Variants in ERBB4 observed in about 807,000 individuals in gnomAD.
ERBB4 encodes the protein receptor tyrosine-protein kinase erbB-4.
A neutral mutation model predicts 158.0 loss-of-function variants in ERBB4; 42 were observed. The observed-to-expected ratio is 0.27, with a 90% confidence interval of 0.21 to 0.34. ERBB4 has a LOEUF of 0.34. ERBB4 is among the 10% of genes least tolerant of loss of function. The pLI is 1.00. For synonymous variants in ERBB4, 583 were observed against 558.7 expected (o/e 1.04, Z -0.61); for missense variants, 1,333 against 1,624.1 (o/e 0.82, Z 3.08).
intron 19 of ERBB4, among the ~76,000 whole-genome samples, chr2:211,603,867 A>C (rs1045457131): frequency 2.0e-5 from 3 of 152,120 alleles, no homozygotes; most frequent in African/African-American, 7.2e-5. Context: ...TACAGTGTTA[A>C]ATTTCTAGTT....
intron 2 of ERBB4, among the ~76,000 whole-genome samples, chr2:212,049,790 A>G (rs2077351547): frequency 6.6e-6 from 1 of 152,194 alleles, no homozygotes; most frequent in African/African-American, 2.4e-5. Flanking sequence ...TTTACTCTCA[A>G]GTGACTCCAG....
At chr2:211,716,740 T>TATA (rs1393749270) in intron 7 of ERBB4, among the ~76,000 whole-genome samples, 1 of 151,894 alleles carries the variant, frequency 6.6e-6, no homozygotes, top group East Asian at 1.9e-4. Context: ...AGAAGAAGCT[T>TATA]AATGTCCTTG....
intron 19 of ERBB4, among the ~76,000 whole-genome samples, chr2:211,591,617 A>G (rs2068467134): frequency 6.6e-6 from 1 of 152,216 alleles, no homozygotes; most frequent in Non-Finnish European, 1.5e-5. Context: ...CTCCCACAGC[A>G]TGTAATAGGT....
At position 212,104,346 on chromosome 2, in the gene ERBB4, C is replaced by T. The variant is rs1280421412; in HGVS notation, c.234+20406G>A. 2.6e-5 allele frequency among the ~76,000 whole-genome samples: 4 copies of T among 152,040 alleles called. No homozygotes were observed. In the East Asian group the frequency reaches 7.7e-4, roughly 29 times the overall value. ...AGTTAACCTAATTTGGCATATATGTCCTTGTGGAATTTGAAAATAAGCAAT... is the reference window on the plus strand; with the variant it reads ...AGTTAACCTAATTTGGCATATATGTTCTTGTGGAATTTGAAAATAAGCAAT... On this transcript the variant is annotated intron_variant, in intron 2 of 27. Coordinates refer to ENST00000342788, the MANE Select transcript of ERBB4 (RefSeq NM_005235.3).
At chr2:211,690,503 C>T (rs541744965) in intron 12 of ERBB4, among the ~76,000 whole-genome samples, 72 of 152,222 alleles carry the variant, frequency 4.7e-4, no homozygotes, top group African/African-American at 1.6e-3. Context: ...AGAGCAGTTT[C>T]GGGTCAGGGA....
chr2:212,085,124 C>T (rs545174811), intron 2 of ERBB4, among the ~76,000 whole-genome samples: 1 of 151,990 alleles, frequency 6.6e-6, no homozygotes, highest in East Asian at 1.9e-4. Context: ...TTTAACTGTT[C>T]TTTAAAAATG....
At chr2:211,946,493 T>C (rs2080695071) in intron 3 of ERBB4, among the ~76,000 whole-genome samples, 1 of 151,016 alleles carries the variant, frequency 6.6e-6, no homozygotes, top group East Asian at 1.9e-4. Context: ...GCAAAATATA[T>C]AGATTATTTT....
intron 3 of ERBB4, among the ~76,000 whole-genome samples, chr2:211,942,734 A>T (rs1229170526): frequency 6.6e-6 from 1 of 152,186 alleles, no homozygotes; most frequent in Non-Finnish European, 1.5e-5. Context: ...AAACATATGA[A>T]TATGTTGGTC....
chr2:212,533,901 T>A (rs192488242), intron 1 of ERBB4, among the ~76,000 whole-genome samples: 1 of 152,342 alleles, frequency 6.6e-6, no homozygotes, highest in Admixed American at 6.5e-5. Context: ...AGAACAGATG[T>A]AGGCTTGAAC....
In ERBB4 at chr2:211,966,307, T is replaced by C. The variant is rs565313317; in HGVS notation, c.235-18691A>G. Among the ~76,000 whole-genome samples, 3 of 152,284 alleles carry C rather than the reference T, an allele frequency of 2.0e-5. No individual in the cohort carries two copies. In the South Asian group the frequency reaches 6.2e-4, roughly 32 times the overall value. The stretch of plus-strand genomic sequence containing the variant: ...CCCAGGTTAGAGTGCAGTGGCACGA[T>C]CTTGGCTCACTGCAACTTCTACCTC... On this transcript the variant is annotated intron_variant, in intron 2 of 27. Coordinates refer to ENST00000342788, the MANE Select transcript of ERBB4 (RefSeq NM_005235.3).
chr2:211,704,338 T>C (rs1489475702), intron 10 of ERBB4, 144 bp from the exon 11 acceptor site: 1 of 668,174 alleles, frequency 1.5e-6, no homozygotes, highest in African/African-American at 1.8e-5. Flanking sequence ...AAGCACTCTA[T>C]TACATATGTA....
chr2:211,456,855 C>T (rs942631935), intron 20 of ERBB4, among the ~76,000 whole-genome samples: 9 of 152,114 alleles, frequency 5.9e-5, no homozygotes, highest in African/African-American at 9.7e-5. Flanking sequence ...GGAGGTGGAG[C>T]GCAGGCAGTA....
At chr2:212,440,905 G>A (rs981512030) in intron 1 of ERBB4, among the ~76,000 whole-genome samples, 79 of 152,126 alleles carry the variant, frequency 5.2e-4, no homozygotes, top group African/African-American at 1.9e-3. Context: ...ATGAACTCAG[G>A]GATTCTGTCT....
At chr2:211,637,925 T>C (rs771850229) in intron 16 of ERBB4, among the ~76,000 whole-genome samples, 1 of 151,950 alleles carries the variant, frequency 6.6e-6, no homozygotes, top group African/African-American at 2.4e-5. Context: ...CTATGCTTGA[T>C]AGTAGAGAAT....
At chr2:212,243,368 G>T (rs1294816947) in intron 1 of ERBB4, among the ~76,000 whole-genome samples, 1 of 152,100 alleles carries the variant, frequency 6.6e-6, no homozygotes, top group Non-Finnish European at 1.5e-5. Context: ...GAGTAATTCT[G>T]TGAGATAAGA....
At chr2:211,420,649 C>A (rs1260454004) in intron 24 of ERBB4, 38 bp from the exon 25 acceptor site, 5 of 1,546,272 alleles carry the variant, frequency 3.2e-6, no homozygotes, top group South Asian at 1.1e-5. Context: ...AAATATGATT[C>A]TTTCTTATCT....
intron 10 of ERBB4, among the ~76,000 whole-genome samples, chr2:211,704,582 T>C (rs1382550802): frequency 6.6e-6 from 1 of 152,236 alleles, no homozygotes; most frequent in Non-Finnish European, 1.5e-5. Flanking sequence ...CATTAGATTT[T>C]GCATTATTTT....
chr2:211,881,045 T>C (rs561470420), intron 3 of ERBB4, among the ~76,000 whole-genome samples: 2 of 152,152 alleles, frequency 1.3e-5, no homozygotes, highest in Non-Finnish European at 2.9e-5. Context: ...TCAGATCAGC[T>C]GCACACAAGA....
At position 211,934,926 on chromosome 2, in the gene ERBB4, T is replaced by TAAAAAAAA. The variant is rs34614862; in HGVS notation, c.421+12496_421+12503dup. ...TACACTAAGCAAAGTCTCATTCAGCTAAAAAAAAAAAAAAACTGCCTTGAA... is the reference window on the plus strand; with the variant it reads ...TACACTAAGCAAAGTCTCATTCAGCTAAAAAAAAAAAAAAAAAAAAAAACTGCCTTGAA... On this transcript the variant is annotated intron_variant, in intron 3 of 27. Transcript: ENST00000342788. Among the ~76,000 whole-genome samples the TAAAAAAAA allele has an allele frequency of 5.4e-4, 47 of 86,650 alleles. 6 individuals are homozygous for TAAAAAAAA. The highest frequency in any genetic ancestry group is 1.0e-3 in the Admixed American group (9 of 8,956). The allele number at this position is 86,650 out of a possible 152,430, so 56.8% of individuals were successfully genotyped here. A position where few individuals can be genotyped will look rare whatever the true frequency, so the allele number is the denominator to read the frequency against.
Sources: allele counts gnomAD v4.1 joint callset (sites outside exome capture counted in the v4.1 genomes callset), GRCh38; gene constraint gnomAD v4.1.1; transcripts MANE v1.5; gene names NCBI Gene and HGNC (gene_info 2026-07-23, HGNC 2026-07-21).